Variants in PRKG1 observed in about 807,000 individuals in gnomAD.
PRKG1 encodes protein kinase cGMP-dependent 1, also known as cGMP-dependent protein kinase 1.
In PRKG1, 35 loss-of-function variants were observed where a neutral mutation model predicts 88.1. The ratio of observed to expected loss-of-function variants is 0.40; its 90% CI spans 0.30 to 0.53. The LOEUF is 0.53. PRKG1 is among the 20% of genes least tolerant of loss of function. PRKG1 has a pLI of 0.59. For missense variants in PRKG1, 540 were observed against 839.8 expected (o/e 0.64, Z 4.41); for synonymous variants, 303 against 292.5 (o/e 1.04, Z -0.37).
chr10:51,044,286 C>T (rs1434815633), intron 1 of PRKG1, among the ~76,000 whole-genome samples: 1 of 152,098 alleles, frequency 6.6e-6, no homozygotes, highest in Non-Finnish European at 1.5e-5. Context: ...CTTGTGAAGG[C>T]CATGGGGATG....
chr10:51,524,453 T>A (rs1841825158), intron 3 of PRKG1, among the ~76,000 whole-genome samples: 1 of 152,212 alleles, frequency 6.6e-6, no homozygotes, highest in Non-Finnish European at 1.5e-5. Flanking sequence ...AGATAATACA[T>A]AAATGAAGGG....
At chr10:51,449,977 C>G (rs896345076) in intron 2 of PRKG1, among the ~76,000 whole-genome samples, 6 of 151,754 alleles carry the variant, frequency 4.0e-5, no homozygotes, top group Non-Finnish European at 7.4e-5. Context: ...AGAAAAAGAG[C>G]TATGGGCATT....
intron 5 of PRKG1, among the ~76,000 whole-genome samples, chr10:52,015,150 G>A (rs1385029798): frequency 6.6e-6 from 1 of 152,196 alleles, no homozygotes. Context: ...CATTGCCCTA[G>A]TATAGGTTCT....
chr10:52,233,482 C>T (rs1387693302), intron 9 of PRKG1, among the ~76,000 whole-genome samples: 4 of 148,200 alleles, frequency 2.7e-5, no homozygotes, highest in East Asian at 4.0e-4. Flanking sequence ...CGAAGCAGGG[C>T]GAGGCATTGC....
chr10:51,784,891 A>C (rs1445695509), intron 3 of PRKG1, among the ~76,000 whole-genome samples: 1 of 152,102 alleles, frequency 6.6e-6, no homozygotes, highest in Non-Finnish European at 1.5e-5. Flanking sequence ...TAAAAGGCCA[A>C]GTGTATTATT....
At chr10:51,883,628 CT>C (rs1049406459) in intron 4 of PRKG1, among the ~76,000 whole-genome samples, 1 of 152,156 alleles carries the variant, frequency 6.6e-6, no homozygotes, top group African/African-American at 2.4e-5. Flanking sequence ...AACCAAACAA[CT>C]GTTTAATGGA....
intron 5 of PRKG1, among the ~76,000 whole-genome samples, chr10:51,998,000 G>T (rs1419043307): frequency 6.6e-6 from 1 of 152,050 alleles, no homozygotes; most frequent in African/African-American, 2.4e-5. Flanking sequence ...TTCAATGTTT[G>T]ACCATAAAAA....
chr10:52,173,951 C>G (rs375982493), intron 9 of PRKG1, among the ~76,000 whole-genome samples: 12 of 152,012 alleles, frequency 7.9e-5, no homozygotes, highest in African/African-American at 2.7e-4. Flanking sequence ...ATCAGTTTTA[C>G]TAAGTTTTTT....
chr10:52,128,158 A>G (rs1020057551), intron 7 of PRKG1: 5 of 985,288 alleles, frequency 5.1e-6, no homozygotes, highest in Non-Finnish European at 4.8e-6. Context: ...GACAGAGAGT[A>G]AAGAGCTCTG....
At chr10:51,247,727 C>T (rs1839329467) in intron 2 of PRKG1, among the ~76,000 whole-genome samples, 2 of 151,832 alleles carry the variant, frequency 1.3e-5, no homozygotes. Flanking sequence ...CACCTATATC[C>T]CATATTGCTG....
intron 2 of PRKG1, among the ~76,000 whole-genome samples, chr10:51,154,389 A>C (rs2131977362): frequency 6.6e-6 from 1 of 151,994 alleles, no homozygotes; most frequent in Non-Finnish European, 1.5e-5. Flanking sequence ...ATACTGCTCA[A>C]AAGGGTAGCT....
At chr10:51,972,997 C>T (rs1191175666) in intron 5 of PRKG1, among the ~76,000 whole-genome samples, 1 of 152,130 alleles carries the variant, frequency 6.6e-6, no homozygotes, top group African/African-American at 2.4e-5. Flanking sequence ...GGAACAGAGG[C>T]ACAGAAGTTG....
intron 1 of PRKG1, among the ~76,000 whole-genome samples, chr10:51,117,436 C>T (rs1002246619): frequency 6.6e-6 from 1 of 152,212 alleles, no homozygotes. Context: ...GCTGATGAAG[C>T]AAATGGCCTA....
intron 5 of PRKG1, among the ~76,000 whole-genome samples, chr10:52,029,048 A>T (rs1423865364): frequency 6.6e-6 from 1 of 152,256 alleles, no homozygotes; most frequent in African/African-American, 2.4e-5. Context: ...GGAGCCTGAC[A>T]AAATAGTGTT....
At chr10:51,622,292 A>G (rs1839228369) in intron 3 of PRKG1, among the ~76,000 whole-genome samples, 3 of 152,204 alleles carry the variant, frequency 2.0e-5, no homozygotes, top group African/African-American at 4.8e-5. Context: ...CCTGGCTCCA[A>G]TGTCTTCAGG....
intron 2 of PRKG1, among the ~76,000 whole-genome samples, chr10:51,242,316 A>G: frequency 6.6e-6 from 1 of 152,214 alleles, no homozygotes; most frequent in East Asian, 1.9e-4. Context: ...TGAGTCAACC[A>G]AAAGCCCCTC....
chr10:51,089,360 C>T (rs184290302), intron 1 of PRKG1, among the ~76,000 whole-genome samples: 8 of 152,230 alleles, frequency 5.3e-5, no homozygotes, highest in Admixed American at 2.6e-4. Flanking sequence ...AGCCAGAACA[C>T]GTACTAAGAA....
intron 3 of PRKG1, among the ~76,000 whole-genome samples, chr10:51,724,869 C>CTTTTTTTTT (rs556620255): frequency 9.0e-6 from 1 of 110,756 alleles, no homozygotes; most frequent in African/African-American, 3.6e-5. Context: ...AATTTTTGTA[C>CTTTTTTTTT]TTTTTTTTTT....
Position 51,506,396 on chromosome 10 carries a change from A to C in PRKG1, c.592+38560A>C. On this transcript the variant is annotated intron_variant, in intron 3 of 17. Coordinates refer to ENST00000373980, the MANE Select transcript of PRKG1 (RefSeq NM_006258.4). ...CTACAGAATGGGAGAAAATTTTTGC[A>C]ATCTACTCATCTGACAAAGGGCTAA... Among the ~76,000 whole-genome samples, 2 of 152,122 alleles carry C rather than the reference A, an allele frequency of 1.3e-5. 1 individual carries two copies. Among genetic ancestry groups the C allele is most frequent in the East Asian group, 3.9e-4 (2 of 5,188 alleles).
Sources: allele counts gnomAD v4.1 joint callset (sites outside exome capture counted in the v4.1 genomes callset), GRCh38; gene constraint gnomAD v4.1.1; transcripts MANE v1.5; gene names NCBI Gene and HGNC (gene_info 2026-07-23, HGNC 2026-07-21).